P2RX5: variants seen among roughly 807,000 people sequenced by gnomAD.
The protein encoded by P2RX5 is purinergic receptor P2X 5, also known as P2X purinoceptor 5.
In P2RX5, 46 loss-of-function variants were observed where a neutral mutation model predicts 54.1. That is an observed-to-expected ratio of 0.85 (90% CI 0.67 to 1.09). P2RX5 has a LOEUF of 1.09. Among genes scored for constraint, P2RX5 ranks in the 50% least tolerant of loss-of-function variants. The pLI is 0.00. For synonymous variants in P2RX5, 226 were observed against 226.4 expected, an observed-to-expected ratio of 1.00 and a Z score of 0.02; for missense variants, 566 against 549.8, an observed-to-expected ratio of 1.03 and a Z score of -0.29.
upstream of P2RX5, among the ~76,000 whole-genome samples, chr17:3,699,247 T>C (rs1342387561): frequency 6.6e-6 from 1 of 151,718 alleles, no homozygotes; most frequent in East Asian, 1.9e-4. Context: ...AATAAAAAAT[T>C]AGCTGGATGT....
rs753805044 is a variant in P2RX5, at chr17:3,695,958, G to C, written c.48C>G (p.Tyr16Ter). ...TGGCGATGACATACTTCTCGGTCTT[G>C]TAGTCGAACAGCGACAGGCAGAGCC... ...CKGLCLSLFD[Y>*]KTEKYVIAKN... is the part of the protein sequence containing the mutation. Residue 16 changes from tyrosine to a stop codon, truncating the protein, a stop_gained, in exon 1 of 12, where the codon TAC becomes TAG. Transcript: ENST00000225328. LOFTEE classifies it high-confidence loss of function. 4 of 1,614,124 alleles carry C rather than the reference G, an allele frequency of 2.5e-6. No individual in the cohort carries two copies. Among genetic ancestry groups the C allele is most frequent in the South Asian group, 1.1e-5 (1 of 91,090 alleles).
In P2RX5 at chr17:3,688,765, TAA is replaced by T. The variant is rs954198016; in HGVS notation, c.754-8_754-7del. The T allele has an allele frequency of 1.9e-6, 3 of 1,613,954 alleles. 1 individual carries two copies. In the Middle Eastern group the frequency reaches 4.9e-4, roughly 266 times the overall value. ...TTAATTCCTATCACGCCACCCTTGA[TAA>T]AAGAGAGATGAGGGTCAGCACACAC... On this transcript the variant is annotated splice_polypyrimidine_tract_variant and splice_region_variant and intron_variant, in intron 7 of 11. Coordinates refer to ENST00000225328, the MANE Select transcript of P2RX5 (RefSeq NM_002561.4).
At chr17:3,709,211 C>G in the P2RX5 span, among the ~76,000 whole-genome samples, 1 of 152,166 alleles carries the variant, frequency 6.6e-6, no homozygotes, top group Non-Finnish European at 1.5e-5. Flanking sequence ...CTCGGCCTCC[C>G]AAAGTGCCCG....
chr17:3,691,868 G>T, intron 1 of P2RX5, 74 bp from the exon 2 acceptor site: 1 of 1,510,414 alleles, frequency 6.6e-7, no homozygotes, highest in Non-Finnish European at 9.2e-7. Flanking sequence ...GCCTTGGGGT[G>T]GGGTAGCAGT....
At chr17:3,710,442 TAAA>T in the P2RX5 span, among the ~76,000 whole-genome samples, 2 of 151,380 alleles carry the variant, frequency 1.3e-5, no homozygotes, top group Non-Finnish European at 2.9e-5. Flanking sequence ...AATAAATAAA[TAAA>T]TAAATTAATA....
intron 10 of P2RX5, 45 bp from the exon 11 acceptor site, chr17:3,679,829 G>A (rs1417532912): frequency 1.3e-6 from 2 of 1,545,450 alleles, no homozygotes; most frequent in South Asian, 1.1e-5. Flanking sequence ...CCTGCAGGGT[G>A]CCTCCCCTCC....
chr17:3,679,494 G>A (rs1315587489), intron 11 of P2RX5, 96 bp downstream of exon 11: 2 of 1,088,846 alleles, frequency 1.8e-6, no homozygotes, highest in Non-Finnish European at 2.7e-6. Context: ...CCAGAGCAGA[G>A]GGGTCCGCTG....
At chr17:3,699,874 AAAGGAAGGAAGG>A (rs771611154), upstream of P2RX5, among the ~76,000 whole-genome samples, 5 of 42,714 alleles carry the variant, frequency 1.2e-4, 1 homozygote, top group African/African-American at 3.2e-4. Flanking sequence ...AGAAAGAAAG[AAAGGAAGGAAGG>A]AAGGAAGGAA....
chr17:3,679,517 A>G (rs1186929648), intron 11 of P2RX5, 73 bp downstream of exon 11: 1 of 1,404,278 alleles, frequency 7.1e-7, no homozygotes, highest in East Asian at 2.3e-5. Context: ...GCTGCCAGGC[A>G]TGAGAAGCCC....
chr17:3,706,670 A>G, the P2RX5 span, among the ~76,000 whole-genome samples: 1 of 152,054 alleles, frequency 6.6e-6, no homozygotes, highest in Non-Finnish European at 1.5e-5. Flanking sequence ...GCAAGGAGCC[A>G]GTGTGATCTC....
In P2RX5 at chr17:3,688,927, A is replaced by G. The variant is rs548897313; in HGVS notation, c.754-168T>C. ...TTAGTCCCCCCATGGAGCGGCTGAG[A>G]ACACTGCGTCGTCCCTGCCTCAGGG... On this transcript the variant is annotated intron_variant, in intron 7 of 11. Coordinates refer to ENST00000225328, the MANE Select transcript of P2RX5 (RefSeq NM_002561.4). Among the ~76,000 whole-genome samples the G allele has an allele frequency of 3.3e-5, 5 of 152,320 alleles. No individual in the cohort carries two copies. The East Asian group carries it at 7.7e-4, about 23-fold the overall frequency.
rs1318934128 is a variant in P2RX5, at chr17:3,681,911, T to A, written c.1049A>T (p.Lys350Met). The change falls in exon 10 of 12, where the codon AAG (lysine) becomes ATG (methionine). Residue 350 changes from lysine (K) to methionine (M), a missense_variant. By Grantham distance (95) the Lys-to-Met change is moderately conservative. Transcript: ENST00000225328. ...CGGAACTGACCTCACTTCCTCGTACTTCTTGTCACGGTAAAACTCTCTCTT... is the reference window on the plus strand; with the variant it reads ...CGGAACTGACCTCACTTCCTCGTACATCTTGTCACGGTAAAACTCTCTCTT... ...IKKREFYRDK[K>M]YEEVRGLEDS... 6.2e-7 allele frequency: 1 copy of A among 1,613,260 alleles called. No individual in the cohort carries two copies. The highest frequency in any genetic ancestry group is 8.5e-7 in the Non-Finnish European group (1 of 1,179,250).
chr17:3,718,910 T>C, the P2RX5 span, among the ~76,000 whole-genome samples: 1 of 152,142 alleles, frequency 6.6e-6, no homozygotes, highest in Admixed American at 6.5e-5. Flanking sequence ...TTCTGTATTT[T>C]CCATTTCCCT....
chr17:3,695,763 A>G, intron 1 of P2RX5, 106 bp downstream of exon 1: 2 of 1,427,970 alleles, frequency 1.4e-6, no homozygotes, highest in Non-Finnish European at 2.0e-6. Context: ...AGCTACCGGG[A>G]AAACCGCGTG....
At chr17:3,681,289 C>T (rs912081418) in intron 10 of P2RX5, among the ~76,000 whole-genome samples, 2 of 152,142 alleles carry the variant, frequency 1.3e-5, no homozygotes, top group Non-Finnish European at 2.9e-5. Flanking sequence ...GTGTCTGTCC[C>T]AATTCCCATT....
chr17:3,701,711 A>ATAAAAT, the P2RX5 span, among the ~76,000 whole-genome samples: 7 of 149,404 alleles, frequency 4.7e-5, no homozygotes, highest in South Asian at 8.5e-4. Context: ...AAAAAAAAAA[A>ATAAAAT]AAAAAAAAGG....
At chr17:3,722,855 C>T in the P2RX5 span, among the ~76,000 whole-genome samples, 14 of 152,174 alleles carry the variant, frequency 9.2e-5, no homozygotes, top group Middle Eastern at 3.4e-3. Context: ...TCTTAGAAGA[C>T]GGATAGCTGT....
At chr17:3,673,906 T>C in intron 11 of P2RX5, 29 bp from the exon 12 acceptor site, 2 of 1,597,974 alleles carry the variant, frequency 1.3e-6, no homozygotes, top group Non-Finnish European at 1.7e-6. Flanking sequence ...AAGGAGCTCT[T>C]GAGAGGCTGG....
At chr17:3,681,076 C>T (rs868757312) in intron 10 of P2RX5, among the ~76,000 whole-genome samples, 74 of 152,344 alleles carry the variant, frequency 4.9e-4, no homozygotes, top group Middle Eastern at 3.4e-3. Context: ...ACCCAGCGTC[C>T]TCCACCCGGC....
Sources: gnomAD v4.1 joint callset for allele counts (sites outside exome capture counted in the v4.1 genomes callset) on GRCh38, gnomAD v4.1.1 for gene constraint, MANE v1.5 for transcripts, NCBI Gene and HGNC (gene_info 2026-07-23, HGNC 2026-07-21) for gene names.